Variants in CHLSN observed in about 807,000 individuals in gnomAD.
CHLSN encodes protein cholesin.
chr7:1,119,087 TA>T, the CHLSN span, among the ~76,000 whole-genome samples: 1 of 151,838 alleles, frequency 6.6e-6, no homozygotes, highest in Non-Finnish European at 1.5e-5. Context: ...ACCCCGTCTC[TA>T]CTAAAAATAC....
At chr7:1,002,686 CGGGTGAGTGGAGCCCTGT>C in the CHLSN span, among the ~76,000 whole-genome samples, 2,778 of 37,690 alleles carry the variant, frequency 0.074, 219 homozygotes, top group African/African-American at 0.13. Flanking sequence ...TGGAGTCCTG[CGGGTGAGTGGAGCCCTGT>C]GGGTGAGTGG....
At chr7:1,105,273 G>A in the CHLSN span, among the ~76,000 whole-genome samples, 1 of 152,150 alleles carries the variant, frequency 6.6e-6, no homozygotes, top group Non-Finnish European at 1.5e-5. Context: ...CCCTTCGAAC[G>A]CCAAGAAGAC....
At chr7:1,000,637 T>A in the CHLSN span, 1 of 1,113,054 alleles carries the variant, frequency 9.0e-7, no homozygotes, top group East Asian at 2.6e-5. Context: ...GGACGCCTCA[T>A]CTTAGGAGAG....
At chr7:1,095,447 C>T in the CHLSN span, among the ~76,000 whole-genome samples, 3,320 of 152,276 alleles carry the variant, frequency 0.022, 65 homozygotes, top group Non-Finnish European at 0.035. Flanking sequence ...CATCCAAGTC[C>T]CAGAAAGCAG....
the CHLSN span, among the ~76,000 whole-genome samples, chr7:1,017,496 G>A: frequency 6.6e-6 from 1 of 152,194 alleles, no homozygotes; most frequent in Non-Finnish European, 1.5e-5. Flanking sequence ...CGGGGCCAGG[G>A]CTCCAGTGTC....
At chr7:1,014,741 A>C in the CHLSN span, among the ~76,000 whole-genome samples, 4 of 152,370 alleles carry the variant, frequency 2.6e-5, no homozygotes, top group Middle Eastern at 6.8e-3. Context: ...ATGACTGTGA[A>C]CACCACATGC....
At chr7:1,042,928 G>A in the CHLSN span, among the ~76,000 whole-genome samples, 4 of 152,066 alleles carry the variant, frequency 2.6e-5, no homozygotes, top group African/African-American at 9.7e-5. Flanking sequence ...GTGTGACCTG[G>A]GCTAAGTTGC....
At chr7:981,094 G>A in the CHLSN span, among the ~76,000 whole-genome samples, 2 of 150,902 alleles carry the variant, frequency 1.3e-5, no homozygotes, top group African/African-American at 4.9e-5. Context: ...TCAGGAGCTC[G>A]AGATCAGCCT....
At chr7:1,023,875 CTG>C in the CHLSN span, among the ~76,000 whole-genome samples, 2 of 152,196 alleles carry the variant, frequency 1.3e-5, no homozygotes, top group African/African-American at 4.8e-5. This position sits in a 1 kb window ranked among gnomAD's most constrained non-coding sequence, Gnocchi z 5.0. Context: ...CGGTCTTGCT[CTG>C]TGGCCCAGGC....
At chr7:1,038,448 A>T in the CHLSN span, among the ~76,000 whole-genome samples, 6 of 32,322 alleles carry the variant, frequency 1.9e-4, no homozygotes, top group Non-Finnish European at 3.0e-4. Flanking sequence ...TCAGCCCCCC[A>T]ACCCGGCCAG....
the CHLSN span, chr7:988,351 C>A: frequency 6.2e-7 from 1 of 1,612,648 alleles, no homozygotes; most frequent in African/African-American, 1.3e-5. Context: ...GCCAGTTCAA[C>A]CCCGGCCATT....
chr7:1,067,955 C>G, the CHLSN span, among the ~76,000 whole-genome samples: 1 of 152,162 alleles, frequency 6.6e-6, no homozygotes, highest in East Asian at 1.9e-4. Context: ...GAGTGCACAC[C>G]AGGGAGGCTT....
the CHLSN span, chr7:1,091,896 G>A: frequency 5.0e-6 from 8 of 1,614,076 alleles, no homozygotes; most frequent in South Asian, 8.8e-5. Context: ...AGCAGTACGT[G>A]ATCGGCCTGT....
the CHLSN span, among the ~76,000 whole-genome samples, chr7:1,089,991 G>C: frequency 2.6e-5 from 4 of 151,808 alleles, no homozygotes; most frequent in Non-Finnish European, 4.4e-5. Flanking sequence ...GGCTGAGGCA[G>C]GAGAACCACT....
At chr7:1,057,118 C>T in the CHLSN span, among the ~76,000 whole-genome samples, 3 of 152,182 alleles carry the variant, frequency 2.0e-5, no homozygotes, top group Middle Eastern at 3.4e-3. Flanking sequence ...TGGCAAGATG[C>T]GAACACCACA....
the CHLSN span, among the ~76,000 whole-genome samples, chr7:1,014,902 T>C: frequency 4.6e-5 from 7 of 152,220 alleles, no homozygotes; most frequent in Non-Finnish European, 8.8e-5. Flanking sequence ...CCTTCCTGCC[T>C]GCGGGCCCTC....
At chr7:986,932 C>A in the CHLSN span, 1 of 1,320,408 alleles carries the variant, frequency 7.6e-7, no homozygotes, top group Non-Finnish European at 1.0e-6. Context: ...CTCTCAGAGC[C>A]TCAGTCTCCT....
chr7:995,927 C>T, the CHLSN span, among the ~76,000 whole-genome samples: 1 of 152,200 alleles, frequency 6.6e-6, no homozygotes, highest in African/African-American at 2.4e-5. Flanking sequence ...ATCTCCTTCC[C>T]ACAGCTTGGT....
the CHLSN span, among the ~76,000 whole-genome samples, chr7:1,094,536 C>T: frequency 1.4e-4 from 22 of 152,300 alleles, no homozygotes; most frequent in East Asian, 1.9e-4. Flanking sequence ...TGAACGGGTG[C>T]GGCACAATGA....
Sources: allele counts gnomAD v4.1 joint callset (sites outside exome capture counted in the v4.1 genomes callset), GRCh38; gene constraint gnomAD v4.1.1; non-coding constraint Gnocchi (gnomAD v3.1); transcripts MANE v1.5; gene names NCBI Gene and HGNC (gene_info 2026-07-23, HGNC 2026-07-21).